The following TMEM132D variants were observed in gnomAD, a reference collection of about 807,000 sequenced individuals.
TMEM132D encodes the protein mature OL transmembrane protein.
A neutral mutation model predicts 62.3 loss-of-function variants in TMEM132D; 21 were observed. The ratio of observed to expected loss-of-function variants is 0.34; its 90% CI spans 0.24 to 0.49. TMEM132D has a LOEUF of 0.49. Among genes scored for constraint, TMEM132D ranks in the 20% least tolerant of loss-of-function variants. The pLI, the probability that TMEM132D is intolerant of heterozygous loss-of-function variation, is 0.99. For synonymous variants in TMEM132D, 621 were observed against 575.6 expected (o/e 1.08, Z -1.13); for missense variants, 1,346 against 1,402.8 (o/e 0.96, Z 0.65).
intron 2 of TMEM132D, among the ~76,000 whole-genome samples, chr12:129,633,329 C>T (rs1262572328): frequency 1.3e-5 from 2 of 152,116 alleles, no homozygotes; most frequent in Non-Finnish European, 2.9e-5. Flanking sequence ...GAGCTTTTAC[C>T]TATTTAAATT....
chr12:129,290,620 G>T (rs943702617), intron 4 of TMEM132D, among the ~76,000 whole-genome samples: 2 of 152,158 alleles, frequency 1.3e-5, no homozygotes, highest in African/African-American at 2.4e-5. Context: ...TATAGAAAAA[G>T]GTTTAGAAGA....
chr12:129,840,720 C>A (rs1340395213), intron 1 of TMEM132D, among the ~76,000 whole-genome samples: 3 of 152,200 alleles, frequency 2.0e-5, no homozygotes, highest in African/African-American at 4.8e-5. Flanking sequence ...TCCAGTCCCA[C>A]CCTGGCAGCC....
At chr12:129,614,859 T>C (rs764088499) in intron 2 of TMEM132D, among the ~76,000 whole-genome samples, 2 of 152,144 alleles carry the variant, frequency 1.3e-5, no homozygotes, top group Non-Finnish European at 2.9e-5. Flanking sequence ...AAGCTAGCCA[T>C]GTCTAGTTAA....
At chr12:129,657,663 C>T (rs78909091) in intron 2 of TMEM132D, among the ~76,000 whole-genome samples, 2,042 of 152,288 alleles carry the variant, frequency 0.013, 60 homozygotes, top group African/African-American at 0.047. Context: ...GGGCCATTTG[C>T]CTTTCTCTCA....
chr12:129,789,510 T>G (rs1871340451), intron 1 of TMEM132D, among the ~76,000 whole-genome samples: 1 of 152,194 alleles, frequency 6.6e-6, no homozygotes, highest in African/African-American at 2.4e-5. Context: ...ATAAGTCAAA[T>G]GCAGTATATG....
intron 4 of TMEM132D, among the ~76,000 whole-genome samples, chr12:129,313,240 C>A (rs1203456254): frequency 6.6e-6 from 1 of 152,054 alleles, no homozygotes; most frequent in Non-Finnish European, 1.5e-5. Flanking sequence ...TCTTTGGTGG[C>A]GATTTGTGAG....
intron 2 of TMEM132D, among the ~76,000 whole-genome samples, chr12:129,533,995 A>G (rs1469775561): frequency 6.6e-6 from 1 of 152,226 alleles, no homozygotes; most frequent in Non-Finnish European, 1.5e-5. Flanking sequence ...TGTTGGGTTA[A>G]TAATTTTGAA....
chr12:129,849,753 T>C (rs182177855), intron 1 of TMEM132D, among the ~76,000 whole-genome samples: 1 of 152,320 alleles, frequency 6.6e-6, no homozygotes, highest in African/African-American at 2.4e-5. Flanking sequence ...CTCCTCTGAA[T>C]CTTACAACAG....
chr12:129,549,126 C>T (rs1038388629), intron 2 of TMEM132D, among the ~76,000 whole-genome samples: 1 of 151,488 alleles, frequency 6.6e-6, no homozygotes, highest in Non-Finnish European at 1.5e-5. Flanking sequence ...TGGGAGGGAC[C>T]TGGTGGGAGG....
In TMEM132D at chr12:129,779,921, C is replaced by G. The variant is rs949725151; in HGVS notation, c.80-79223G>C. 1.2e-4 allele frequency among the ~76,000 whole-genome samples: 18 copies of G among 152,072 alleles called. No homozygotes were observed. The highest frequency in any genetic ancestry group is 9.7e-4 in the East Asian group (5 of 5,180). On this transcript the variant is annotated intron_variant, in intron 1 of 8. Coordinates refer to ENST00000422113, the MANE Select transcript of TMEM132D (RefSeq NM_133448.3). The surrounding 1 kb of genome is among the most constrained non-coding windows in gnomAD (Gnocchi z 4.1). The stretch of plus-strand genomic sequence containing the variant: ...TTACCAACGTGCTTTTACGCATTGA[C>G]TCCAGAAATCCTTACAACCATCCTC...
chr12:129,781,197 G>A (rs1871108938), intron 1 of TMEM132D, among the ~76,000 whole-genome samples: 1 of 152,156 alleles, frequency 6.6e-6, no homozygotes, highest in African/African-American at 2.4e-5. Flanking sequence ...ACCGCCACAT[G>A]TCTTCTTCTT....
intron 1 of TMEM132D, among the ~76,000 whole-genome samples, chr12:129,752,874 G>A (rs1297566400): frequency 6.6e-6 from 1 of 152,216 alleles, no homozygotes; most frequent in East Asian, 1.9e-4. Context: ...GAGGAGGAAG[G>A]AGGTATCCTA....
intron 4 of TMEM132D, among the ~76,000 whole-genome samples, chr12:129,328,245 A>T (rs910583966): frequency 5.9e-5 from 9 of 152,208 alleles, no homozygotes; most frequent in African/African-American, 2.2e-4. Context: ...ATTATTTTTG[A>T]CACATTTCCC....
intron 1 of TMEM132D, among the ~76,000 whole-genome samples, chr12:129,814,611 C>CAAAAAA (rs34979485): frequency 1.2e-4 from 11 of 94,518 alleles, no homozygotes; most frequent in Middle Eastern, 5.7e-3. Flanking sequence ...AACTCCCTCT[C>CAAAAAA]AAAAAAAAAA....
intron 3 of TMEM132D, among the ~76,000 whole-genome samples, chr12:129,493,307 C>T (rs1874856585): frequency 6.6e-6 from 1 of 152,168 alleles, no homozygotes; most frequent in South Asian, 2.1e-4. Flanking sequence ...TCTAAGACAG[C>T]ATTGAAGATG....
chr12:129,650,300 A>G (rs976257006), intron 2 of TMEM132D, among the ~76,000 whole-genome samples: 2 of 152,120 alleles, frequency 1.3e-5, no homozygotes, highest in African/African-American at 4.8e-5. Flanking sequence ...CAGTTCATTC[A>G]TTTTGCTACC....
chr12:129,661,213 T>C (rs605142), intron 2 of TMEM132D, among the ~76,000 whole-genome samples: 73,786 of 151,892 alleles, frequency 0.49, 18,152 homozygotes, highest in Middle Eastern at 0.61. Context: ...ACAGTTTCTT[T>C]ATCTTGGAGC....
intron 1 of TMEM132D, among the ~76,000 whole-genome samples, chr12:129,748,257 T>C (rs966244576): frequency 3.1e-4 from 47 of 152,162 alleles, no homozygotes; most frequent in Non-Finnish European, 4.7e-4. Flanking sequence ...TCCAGGTGCA[T>C]TGCAGAAAGA....
intron 3 of TMEM132D, among the ~76,000 whole-genome samples, chr12:129,464,451 GC>G (rs1200966289): frequency 6.6e-6 from 1 of 152,038 alleles, no homozygotes; most frequent in Non-Finnish European, 1.5e-5. Flanking sequence ...AGTTTCTTTT[GC>G]TGTGCAGAAG....
Sources: gnomAD v4.1 joint callset for allele counts (sites outside exome capture counted in the v4.1 genomes callset) on GRCh38, gnomAD v4.1.1 for gene constraint, Gnocchi (gnomAD v3.1) non-coding constraint, MANE v1.5 for transcripts, NCBI Gene and HGNC (gene_info 2026-07-23, HGNC 2026-07-21) for gene names.